Variants in GALNS observed in about 807,000 individuals in gnomAD.
The protein encoded by GALNS is N-acetylgalactosamine-6-sulfatase.
Under a neutral mutation model 65.9 loss-of-function variants are expected in GALNS, and 65 were observed. The observed-to-expected ratio is 0.99, with a 90% confidence interval of 0.81 to 1.21. The LOEUF is 1.21. GALNS is among the 50% of genes most tolerant of loss of function. The pLI is 0.00. For synonymous variants in GALNS, 346 were observed against 288.9 expected (o/e 1.20, Z -2.00); for missense variants, 776 against 700.7 (o/e 1.11, Z -1.21).
At chr16:88,830,448 G>T (rs1175127890) in intron 9 of GALNS, among the ~76,000 whole-genome samples, 3 of 152,036 alleles carry the variant, frequency 2.0e-5, no homozygotes, top group Non-Finnish European at 2.9e-5. Flanking sequence ...GTTGACTCTG[G>T]CTGTCGTCAT....
At chr16:88,816,676 C>T (rs1338949459) in intron 13 of GALNS, 5 of 985,450 alleles carry the variant, frequency 5.1e-6, no homozygotes, top group Non-Finnish European at 6.0e-6. Context: ...CTGTTACATC[C>T]GCCGGCCCAC....
intron 4 of GALNS, among the ~76,000 whole-genome samples, chr16:88,839,817 C>T (rs759873430): frequency 2.4e-4 from 36 of 152,228 alleles, no homozygotes; most frequent in Non-Finnish European, 4.4e-4. Context: ...GAGACCCACT[C>T]CCTGTCTAGC....
At chr16:88,849,013 G>C (rs1027585672) in intron 1 of GALNS, among the ~76,000 whole-genome samples, 1 of 152,224 alleles carries the variant, frequency 6.6e-6, no homozygotes, top group Non-Finnish European at 1.5e-5. Flanking sequence ...CTAACGTGTG[G>C]AGTCCCAGAG....
At chr16:88,855,088 T>A in intron 1 of GALNS, 1 of 440,532 alleles carries the variant, frequency 2.3e-6, no homozygotes, top group East Asian at 6.1e-5. Flanking sequence ...CAATTCCCTA[T>A]TTACCGGGAG....
intron 9 of GALNS, 54 bp downstream of exon 9, chr16:88,831,944 G>A: frequency 6.7e-7 from 1 of 1,498,894 alleles, no homozygotes; most frequent in Non-Finnish European, 9.2e-7. Context: ...ACACACCCTG[G>A]GATGGCTGCA....
intron 8 of GALNS, 112 bp from the exon 9 acceptor site, chr16:88,832,213 GGCACTCT>G: frequency 1.0e-6 from 1 of 967,984 alleles, no homozygotes; most frequent in Non-Finnish European, 1.6e-6. Context: ...GCCCGGCCAA[GGCACTCT>G]GGCTGGAGTG....
At chr16:88,853,183 G>A (rs536304399) in intron 1 of GALNS, among the ~76,000 whole-genome samples, 39 of 148,278 alleles carry the variant, frequency 2.6e-4, no homozygotes, top group Admixed American at 4.1e-4. Context: ...CCTGGGAGAC[G>A]GAGGTTGCAG....
chr16:88,825,580 TG>T (rs1567520413), intron 10 of GALNS, among the ~76,000 whole-genome samples: 2 of 74,904 alleles, frequency 2.7e-5, no homozygotes, highest in Non-Finnish European at 3.3e-5. Flanking sequence ...CCTGGGCAGC[TG>T]GGGCTGGGGT....
At chr16:88,834,911 G>T (rs567081926) in intron 8 of GALNS, among the ~76,000 whole-genome samples, 1 of 152,102 alleles carries the variant, frequency 6.6e-6, no homozygotes, top group Non-Finnish European at 1.5e-5. Context: ...GTTTCCATGC[G>T]GCCTCCAAAG....
At chr16:88,842,035 A>G (rs1274285170) in intron 2 of GALNS, 64 bp from the exon 3 acceptor site, 1 of 1,429,024 alleles carries the variant, frequency 7.0e-7, no homozygotes, top group African/African-American at 1.4e-5. Flanking sequence ...CCGGGCGTCA[A>G]CAAGAGCCCC....
chr16:88,831,176 A>G (rs1911464125), intron 9 of GALNS, among the ~76,000 whole-genome samples: 1 of 152,118 alleles, frequency 6.6e-6, no homozygotes, highest in Admixed American at 6.5e-5. Context: ...AGCCCTACAC[A>G]CCGAGAGCCA....
chr16:88,816,112 A>C, intron 13 of GALNS: 1 of 985,030 alleles, frequency 1.0e-6, no homozygotes, highest in Non-Finnish European at 1.2e-6. Flanking sequence ...TCAGCTCGCC[A>C]GGTCTGAGTT....
At chr16:88,816,035 G>C (rs13332207) in intron 13 of GALNS, 1 of 985,286 alleles carries the variant, frequency 1.0e-6, no homozygotes, top group African/African-American at 1.7e-5. Flanking sequence ...GGCTTCACAC[G>C]CGTGTCTGTG....
In GALNS at chr16:88,835,367, C is replaced by A. The variant is rs759300583; in HGVS notation, c.759-15G>T. On this transcript the variant is annotated splice_polypyrimidine_tract_variant and intron_variant, in intron 7 of 13. Coordinates refer to ENST00000268695, the MANE Select transcript of GALNS (RefSeq NM_000512.5). Reference sequence around the variant, plus strand: ...CGTCTCCATACCTGCAGGATGGTGACAAAAGGCATCTCCATACCTGGAGGA... The same window carrying A: ...CGTCTCCATACCTGCAGGATGGTGAAAAAAGGCATCTCCATACCTGGAGGA... The A allele has an allele frequency of 6.2e-7, 1 of 1,613,330 alleles. No homozygotes were observed. The highest frequency in any genetic ancestry group is 2.2e-5 in the East Asian group (1 of 44,878).
At chr16:88,838,336 C>T (rs1424087721) in intron 4 of GALNS, among the ~76,000 whole-genome samples, 1 of 152,172 alleles carries the variant, frequency 6.6e-6, no homozygotes, top group Non-Finnish European at 1.5e-5. Flanking sequence ...CCAGCTGTAC[C>T]CACATCCCCA....
intron 5 of GALNS, among the ~76,000 whole-genome samples, chr16:88,837,149 G>A (rs575698812): frequency 5.3e-5 from 8 of 152,304 alleles, no homozygotes; most frequent in South Asian, 2.1e-4. Flanking sequence ...CGGCACTGCC[G>A]TGTCAAGAGG....
intron 13 of GALNS, chr16:88,816,131 T>TC: frequency 1.0e-6 from 1 of 985,416 alleles, no homozygotes; most frequent in South Asian, 4.7e-5. Flanking sequence ...TTGGCACTTT[T>TC]CCCCCTGCAG....
intron 12 of GALNS, among the ~76,000 whole-genome samples, chr16:88,820,974 C>T (rs151138562): frequency 1.2e-4 from 18 of 152,232 alleles, no homozygotes; most frequent in African/African-American, 3.1e-4. Context: ...GTGACTTCTG[C>T]GGGCACAGGG....
chr16:88,851,490 C>G (rs1270632798), intron 1 of GALNS, among the ~76,000 whole-genome samples: 1 of 152,172 alleles, frequency 6.6e-6, no homozygotes, highest in Non-Finnish European at 1.5e-5. Context: ...GTGCCTGGTT[C>G]ATCCTACTGG....
Sources: allele counts gnomAD v4.1 joint callset (sites outside exome capture counted in the v4.1 genomes callset), GRCh38; gene constraint gnomAD v4.1.1; transcripts MANE v1.5; gene names NCBI Gene and HGNC (gene_info 2026-07-23, HGNC 2026-07-21).